The following SSH2 variants were observed in gnomAD, a reference collection of about 807,000 sequenced individuals.
SSH2 encodes slingshot protein phosphatase 2.
Under a neutral mutation model 135.2 loss-of-function variants are expected in SSH2, and 37 were observed. That is an observed-to-expected ratio of 0.27 (90% CI 0.21 to 0.36). SSH2 has a LOEUF of 0.36. Ranked by LOEUF, SSH2 falls within the 10% of genes least tolerant of loss-of-function variation. The pLI, the probability that SSH2 is intolerant of heterozygous loss-of-function variation, is 1.00. For synonymous variants in SSH2, 628 were observed against 646.2 expected, an observed-to-expected ratio of 0.97 and a Z score of 0.43; for missense variants, 1,408 against 1,765.3, an observed-to-expected ratio of 0.80 and a Z score of 3.63.
At chr17:29,754,098 T>A (rs1260456668) in intron 3 of SSH2, among the ~76,000 whole-genome samples, 1 of 152,194 alleles carries the variant, frequency 6.6e-6, no homozygotes, top group Non-Finnish European at 1.5e-5. Context: ...CTATAAAATG[T>A]GGACGATGAC....
chr17:29,914,591 A>T (rs1040110263), intron 1 of SSH2, among the ~76,000 whole-genome samples: 2 of 151,726 alleles, frequency 1.3e-5, no homozygotes, highest in African/African-American at 4.8e-5. Flanking sequence ...AAAAACCCCA[A>T]AGAGTATTTC....
intron 3 of SSH2, among the ~76,000 whole-genome samples, chr17:29,759,040 G>C (rs2041211676): frequency 6.7e-6 from 1 of 149,758 alleles, no homozygotes; most frequent in African/African-American, 2.5e-5. Flanking sequence ...CACTGTGCCT[G>C]GCCTTTTTAA....
At chr17:29,738,390 G>A (rs958033077) in intron 3 of SSH2, among the ~76,000 whole-genome samples, 17 of 152,204 alleles carry the variant, frequency 1.1e-4, no homozygotes, top group Non-Finnish European at 2.1e-4. Flanking sequence ...ATAAACATAC[G>A]TGTGCATGTG....
At chr17:29,818,951 G>A (rs1330500129) in intron 2 of SSH2, among the ~76,000 whole-genome samples, 1 of 152,008 alleles carries the variant, frequency 6.6e-6, no homozygotes, top group African/African-American at 2.4e-5. Flanking sequence ...CAGTGGCCAG[G>A]TGCAGTGGCT....
intron 1 of SSH2, among the ~76,000 whole-genome samples, chr17:29,858,750 T>C (rs536010319): frequency 6.6e-6 from 1 of 152,228 alleles, no homozygotes; most frequent in South Asian, 2.1e-4. Flanking sequence ...GGCATGCCTG[T>C]CGCCCTAACT....
At chr17:29,656,312 G>GTAA in intron 11 of SSH2, among the ~76,000 whole-genome samples, 1 of 152,246 alleles carries the variant, frequency 6.6e-6, no homozygotes, top group Admixed American at 6.5e-5. Context: ...GAGTAGCTGG[G>GTAA]ATTACAGGTG....
chr17:29,710,652 C>A (rs1181344999), intron 3 of SSH2, among the ~76,000 whole-genome samples: 2 of 152,200 alleles, frequency 1.3e-5, no homozygotes, highest in African/African-American at 2.4e-5. Context: ...GACCACACCA[C>A]AGACAGGGAA....
At chr17:29,925,606 G>A (rs1366727036) in intron 1 of SSH2, 1 of 397,502 alleles carries the variant, frequency 2.5e-6, no homozygotes, top group Non-Finnish European at 4.4e-6. Context: ...ATACTCAGGG[G>A]GCTGAGGCAG....
intron 14 of SSH2, among the ~76,000 whole-genome samples, chr17:29,637,379 A>T (rs763866820): frequency 6.6e-6 from 1 of 152,212 alleles, no homozygotes; most frequent in Non-Finnish European, 1.5e-5. Flanking sequence ...GCTGAACTGT[A>T]GATTTTAAAG....
intron 3 of SSH2, among the ~76,000 whole-genome samples, chr17:29,724,651 GC>G (rs202161065): frequency 0.036 from 4,695 of 131,168 alleles, 113 homozygotes; most frequent in Middle Eastern, 0.086. Context: ...GTGCAGTGGT[GC>G]ATTCTCAGCT....
chr17:29,780,723 TAAACATTTTTTTAAAGATAAA>T (rs1221148261), intron 3 of SSH2: 2 of 151,326 alleles, frequency 1.3e-5, no homozygotes, highest in African/African-American at 4.9e-5. Context: ...GCGCCCGGTC[TAAACATTTTTTTAAAGATAAA>T]AAAGATGAGG....
intron 3 of SSH2, among the ~76,000 whole-genome samples, chr17:29,708,101 T>G (rs556066343): frequency 6.6e-6 from 1 of 152,284 alleles, no homozygotes; most frequent in South Asian, 2.1e-4. Context: ...GTAGATAAAA[T>G]TCCACTTGAA....
In SSH2 at chr17:29,860,628, C is replaced by T. The variant is rs565985719; in HGVS notation, c.64-11699G>A. 5.3e-5 allele frequency among the ~76,000 whole-genome samples: 8 copies of T among 152,086 alleles called. No individual in the cohort carries two copies. In the South Asian group the frequency reaches 1.0e-3, roughly 20 times the overall value. On this transcript the variant is annotated intron_variant, in intron 1 of 15. Coordinates refer to ENST00000540801, the MANE Select transcript of SSH2 (RefSeq NM_001282129.2). ...TGTATTTTTAGTATGGACAAGGTTT[C>T]GCCATGTTGGCCAGGCTAGTCATGA...
chr17:29,921,950 A>G (rs2066983981), intron 1 of SSH2, among the ~76,000 whole-genome samples: 1 of 152,186 alleles, frequency 6.6e-6, no homozygotes, highest in South Asian at 2.1e-4. Flanking sequence ...AAACAAGTAC[A>G]GTAGAAAGAT....
At chr17:29,832,820 C>A (rs1302216624) in intron 2 of SSH2, among the ~76,000 whole-genome samples, 2 of 152,178 alleles carry the variant, frequency 1.3e-5, no homozygotes. Context: ...GTGTGCACCA[C>A]CACACCCAGA....
chr17:29,636,407 T>C lies in SSH2; in HGVS notation c.1823A>G (p.His608Arg), dbSNP rs1207597216. 1.2e-6 allele frequency: 2 copies of C among 1,614,102 alleles called. No homozygotes were observed. The highest frequency in any genetic ancestry group is 1.7e-6 in the Non-Finnish European group (2 of 1,180,048). The part of the protein sequence containing the change: ...HASKALIQPG[H>R]VPEMANKFPD... Reference sequence around the variant, plus strand: ...AAACTTGTTGGCCATTTCTGGGACATGTCCAGGCTGAATTAAGGCTTTGGA... The same window carrying C: ...AAACTTGTTGGCCATTTCTGGGACACGTCCAGGCTGAATTAAGGCTTTGGA... The change falls in exon 15 of 16, where the codon CAT becomes CGT. Residue 608 changes from histidine to arginine, a missense_variant. Transcript: ENST00000540801.
intron 2 of SSH2, among the ~76,000 whole-genome samples, chr17:29,802,930 T>G (rs1446894458): frequency 1.3e-5 from 2 of 152,182 alleles, no homozygotes; most frequent in Non-Finnish European, 2.9e-5. Flanking sequence ...TGGAAATAAA[T>G]GAATAGTAGG....
intron 1 of SSH2, among the ~76,000 whole-genome samples, chr17:29,858,413 CAT>C (rs1369065487): frequency 6.6e-6 from 1 of 152,136 alleles, no homozygotes; most frequent in East Asian, 1.9e-4. Flanking sequence ...CTAAAATTCA[CAT>C]GTTTAAGTTT....
chr17:29,689,627 T>G (rs754228682), intron 5 of SSH2, among the ~76,000 whole-genome samples: 7 of 152,308 alleles, frequency 4.6e-5, no homozygotes, highest in South Asian at 4.1e-4. Flanking sequence ...TATTACAAGT[T>G]ACAGGTGAAT....
Sources: gnomAD v4.1 joint callset for allele counts (sites outside exome capture counted in the v4.1 genomes callset) on GRCh38, gnomAD v4.1.1 for gene constraint, MANE v1.5 for transcripts, NCBI Gene and HGNC (gene_info 2026-07-23, HGNC 2026-07-21) for gene names.